HADHA: variants seen among roughly 807,000 people sequenced by gnomAD.
HADHA encodes hydroxyacyl-CoA dehydrogenase trifunctional multienzyme complex subunit alpha, also known as trifunctional enzyme subunit alpha, mitochondrial.
In HADHA, 59 loss-of-function variants were observed where a neutral mutation model predicts 91.3. The observed-to-expected ratio is 0.65, with a 90% CI of 0.52 to 0.80. The LOEUF (loss-of-function observed/expected upper bound fraction) is 0.80. Among genes scored for constraint, HADHA ranks in the 30% least tolerant of loss-of-function variants. The probability of loss-of-function intolerance (pLI) is 0.00; values close to 1 mark genes in which losing one functional copy is unlikely to be tolerated. For missense variants in HADHA, 800 were observed against 927.6 expected (o/e 0.86, Z 1.79); for synonymous variants, 320 against 338.9 (o/e 0.94, Z 0.61).
chr2:26,191,460 C>T (rs372669268), intron 19 of HADHA, 23 bp downstream of exon 19: 2 of 1,614,198 alleles, frequency 1.2e-6, no homozygotes, highest in South Asian at 2.2e-5. Flanking sequence ...AAGTGAGCTT[C>T]CTTCCCAACC....
rs1670557891 is a variant in HADHA, at chr2:26,229,333, A to T, written c.676+859T>A. Among the ~76,000 whole-genome samples, 1 of 122,426 alleles carries T rather than the reference A, an allele frequency of 8.2e-6. No individual in the cohort carries two copies. Among genetic ancestry groups the T allele is most frequent in the African/African-American group, 3.6e-5 (1 of 27,996 alleles). 80.3% of individuals were successfully genotyped at this position (122,426 alleles called of 152,430 possible). A position where few individuals can be genotyped will look rare whatever the true frequency, so the allele number is the denominator to read the frequency against. ...AGTCTGAGCAACAGAGTGAGACCCC[A>T]ACATGTGTGCGCGCGCACACACACA... On this transcript the variant is annotated intron_variant, in intron 7 of 19. Coordinates refer to ENST00000380649, the MANE Select transcript of HADHA (RefSeq NM_000182.5). The surrounding 1 kb of genome is among the most constrained non-coding windows in gnomAD (Gnocchi z 4.3).
At chr2:26,222,617 T>G (rs10199898) in intron 7 of HADHA, among the ~76,000 whole-genome samples, 125,025 of 152,062 alleles carry the variant, frequency 0.82, 51,758 homozygotes, top group African/African-American at 0.93. Flanking sequence ...ATGCATGGGC[T>G]TAGGCAATAT....
At chr2:26,208,151 GT>G (rs1339212208) in intron 11 of HADHA, among the ~76,000 whole-genome samples, 4 of 151,856 alleles carry the variant, frequency 2.6e-5, no homozygotes, top group Admixed American at 6.6e-5. Flanking sequence ...ATTCAAGGCA[GT>G]TTTTTTTCTG....
At chr2:26,212,466 T>TA in intron 10 of HADHA, 104 bp downstream of exon 10, 1 of 834,826 alleles carries the variant, frequency 1.2e-6, no homozygotes, top group Non-Finnish European at 2.1e-6. Flanking sequence ...AAAAAATTTT[T>TA]ACTAGGCTTT....
intron 10 of HADHA, chr2:26,211,928 A>T (rs1489306298): frequency 6.5e-6 from 1 of 152,854 alleles, no homozygotes; most frequent in East Asian, 1.9e-4. Flanking sequence ...CTGTCTTTGT[A>T]TTCATTTTGT....
intron 4 of HADHA, among the ~76,000 whole-genome samples, chr2:26,235,873 TCCA>T (rs1670736652): frequency 6.6e-6 from 1 of 152,202 alleles, no homozygotes; most frequent in Non-Finnish European, 1.5e-5. Context: ...AGGCATGCAT[TCCA>T]CCATTTAGCA....
chr2:26,232,058 T>C (rs1670636923), intron 6 of HADHA, 102 bp downstream of exon 6: 2 of 851,144 alleles, frequency 2.3e-6, no homozygotes, highest in African/African-American at 1.6e-5. Context: ...CATATTTTAT[T>C]TGGTTTTTTA....
At position 26,236,986 on chromosome 2, in the gene HADHA, T is replaced by TA; in HGVS notation, c.182dup (p.Asn62LysfsTer5). 1 of 1,607,182 alleles carries TA rather than the reference T, an allele frequency of 6.2e-7. No homozygotes were observed. Among genetic ancestry groups the TA allele is most frequent in the Non-Finnish European group, 8.5e-7 (1 of 1,173,628 alleles). On this transcript the variant is annotated frameshift_variant and splice_region_variant, in exon 4 of 20. Coordinates refer to ENST00000380649, the MANE Select transcript of HADHA (RefSeq NM_000182.5). LOFTEE classifies it high-confidence loss of function. The stretch of plus-strand genomic sequence containing the variant: ...AATGTAGCTCTTTACTCAGTGTATT[T>TA]ACCTGCCAAAGGGAAATATATACAG...
chr2:26,238,906 G>A, intron 3 of HADHA, 28 bp downstream of exon 3: 1 of 1,472,184 alleles, frequency 6.8e-7, no homozygotes, highest in Non-Finnish European at 9.5e-7. Flanking sequence ...GCGGTTAGCA[G>A]AAAAAAACTG....
chr2:26,208,687 C>T (rs1670024389), intron 11 of HADHA, among the ~76,000 whole-genome samples: 1 of 152,116 alleles, frequency 6.6e-6, no homozygotes, highest in South Asian at 2.1e-4. Context: ...TAAAGAGATA[C>T]AGGTTTAAGT....
intron 1 of HADHA, among the ~76,000 whole-genome samples, chr2:26,244,167 G>A (rs985382321): frequency 1.3e-5 from 2 of 152,234 alleles, no homozygotes; most frequent in Admixed American, 6.5e-5. Flanking sequence ...AGGTGCTGTG[G>A]AGCCACAAAG....
At chr2:26,239,510 G>C (rs1670841713) in intron 1 of HADHA, among the ~76,000 whole-genome samples, 1 of 152,154 alleles carries the variant, frequency 6.6e-6, no homozygotes, top group African/African-American at 2.4e-5. Context: ...GGGAAGCAAA[G>C]AGAACCAAAG....
At chr2:26,199,788 G>A (rs1019116426) in intron 13 of HADHA, among the ~76,000 whole-genome samples, 2 of 152,004 alleles carry the variant, frequency 1.3e-5, no homozygotes, top group African/African-American at 4.8e-5. Context: ...TGTTCTCTTG[G>A]AAGCCTGCAG....
chr2:26,220,712 G>A (rs1249544780), intron 7 of HADHA, among the ~76,000 whole-genome samples: 4 of 152,214 alleles, frequency 2.6e-5, no homozygotes, highest in African/African-American at 7.2e-5. Flanking sequence ...AAGACCACCA[G>A]AAGCAGTTTG....
chr2:26,194,949 C>T (rs185439306), intron 15 of HADHA, 143 bp downstream of exon 15: 58 of 806,700 alleles, frequency 7.2e-5, no homozygotes, highest in East Asian at 3.2e-4. Context: ...TCAATACCAC[C>T]GTCCATCCTG....
At position 26,194,580 on chromosome 2, in the gene HADHA, C is replaced by T. The variant is rs779324271; in HGVS notation, c.1679G>A (p.Arg560Gln). The T allele has an allele frequency of 6.9e-5, 111 of 1,605,098 alleles. 1 individual carries two copies. The South Asian group carries it at 1.1e-3, about 16-fold the overall frequency. Residue 560 changes from arginine to glutamine, a missense_variant, in exon 16 of 20, where the codon CGA (arginine) becomes CAA (glutamine). Transcript: ENST00000380649. ...GAGAGCAATACCAACCTGGAGGATT[C>T]GGATGACTTCAGACATCATGGGCGC... The part of the protein sequence containing the change: ...CLAPMMSEVI[R>Q]ILQEGVDPKK...
chr2:26,196,245 C>T (rs1335165561), intron 14 of HADHA, among the ~76,000 whole-genome samples: 1 of 152,146 alleles, frequency 6.6e-6, no homozygotes, highest in Non-Finnish European at 1.5e-5. Context: ...TCTCCAATGC[C>T]ATTATGTAAT....
chr2:26,209,260 T>C (rs554076961), intron 11 of HADHA, among the ~76,000 whole-genome samples: 2 of 152,338 alleles, frequency 1.3e-5, no homozygotes, highest in African/African-American at 2.4e-5. Context: ...TCATTAAACA[T>C]AGACTCTGAA....
chr2:26,191,710 G>A (rs1669511048), intron 18 of HADHA, 82 bp from the exon 19 acceptor site: 2 of 1,435,424 alleles, frequency 1.4e-6, no homozygotes, highest in Non-Finnish European at 2.0e-6. Flanking sequence ...ATGGAAGTCG[G>A]GATGGGTGCA....
Sources: gnomAD v4.1 joint callset for allele counts (sites outside exome capture counted in the v4.1 genomes callset) on GRCh38, gnomAD v4.1.1 for gene constraint, Gnocchi (gnomAD v3.1) non-coding constraint, MANE v1.5 for transcripts, NCBI Gene and HGNC (gene_info 2026-07-23, HGNC 2026-07-21) for gene names.